TBC1D4: variants seen among roughly 807,000 people sequenced by gnomAD.
TBC1D4 encodes TBC (Tre-2, BUB2, CDC16) domain-containing protein.
Under a neutral mutation model 142.5 loss-of-function variants are expected in TBC1D4, and 121 were observed. The observed-to-expected ratio is 0.85, with a 90% CI of 0.73 to 0.99. The LOEUF is 0.99. Ranked by LOEUF, TBC1D4 falls within the 50% of genes least tolerant of loss-of-function variation. The pLI, the probability that TBC1D4 is intolerant of heterozygous loss-of-function variation, is 0.00. For synonymous variants in TBC1D4, 630 were observed against 628.2 expected (o/e 1.00, Z -0.04); for missense variants, 1,475 against 1,606.6 (o/e 0.92, Z 1.40).
intron 1 of TBC1D4, among the ~76,000 whole-genome samples, chr13:75,476,775 A>G (rs1192650970): frequency 2.0e-5 from 3 of 152,230 alleles, no homozygotes; most frequent in African/African-American, 4.8e-5. Context: ...CAGGGTTTCT[A>G]AAACTGTGGT....
rs986923131 is a variant in TBC1D4 at position 75,286,791 on chromosome 13, A to G, written c.*1T>C. On this transcript the variant is annotated 3_prime_UTR_variant, in exon 21 of 21. Coordinates refer to ENST00000377636, the MANE Select transcript of TBC1D4 (RefSeq NM_014832.5). ...TTTCTGCTGAGGCCGTGCCTCTTCA[A>G]TTATGGCTTATTTCCTATCTTGGCT... The G allele has an allele frequency of 1.9e-6, 3 of 1,613,336 alleles. No homozygotes were observed. The highest frequency in any genetic ancestry group is 2.5e-6 in the Non-Finnish European group (3 of 1,179,716).
chr13:75,426,033 A>G (rs1369015312), intron 1 of TBC1D4, among the ~76,000 whole-genome samples: 2 of 152,244 alleles, frequency 1.3e-5, no homozygotes, highest in Non-Finnish European at 2.9e-5. Context: ...TAACCATTCT[A>G]CAATGTATAT....
intron 1 of TBC1D4, among the ~76,000 whole-genome samples, chr13:75,367,783 T>C (rs1883004033): frequency 6.6e-6 from 1 of 152,174 alleles, no homozygotes; most frequent in African/African-American, 2.4e-5. Context: ...AGCGTAATGG[T>C]ATGAAGTAAA....
At chr13:75,344,633 T>G (rs1220122149) in intron 5 of TBC1D4, among the ~76,000 whole-genome samples, 2 of 152,170 alleles carry the variant, frequency 1.3e-5, no homozygotes, top group Non-Finnish European at 2.9e-5. Context: ...GGAAACAGCA[T>G]TCCCCTTCGA....
intron 20 of TBC1D4, among the ~76,000 whole-genome samples, chr13:75,287,401 C>T (rs947655612): frequency 1.3e-5 from 2 of 152,110 alleles, no homozygotes; most frequent in Non-Finnish European, 2.9e-5. Context: ...GACTGAAATA[C>T]GGCGTTCTCT....
At chr13:75,366,361 G>T (rs534741303) in intron 1 of TBC1D4, among the ~76,000 whole-genome samples, 1 of 151,994 alleles carries the variant, frequency 6.6e-6, no homozygotes, top group Non-Finnish European at 1.5e-5. Flanking sequence ...TTGATAGATG[G>T]TTGATAAGGT....
chr13:75,332,390 C>T lies in TBC1D4; in HGVS notation c.1731+4531G>A, dbSNP rs549965745. The stretch of plus-strand genomic sequence containing the variant: ...TCATCCAAGATCATAAATATAAAAT[C>T]GGCTAGGGCCAGGGATTACATTCAG... On this transcript the variant is annotated intron_variant, in intron 8 of 20. Transcript: ENST00000377636. 1.3e-3 allele frequency among the ~76,000 whole-genome samples: 196 copies of T among 152,270 alleles called. 1 individual carries two copies. The South Asian group carries it at 0.015, about 11-fold the overall frequency.
intron 15 of TBC1D4, chr13:75,302,816 G>A (rs542907273): frequency 4.3e-6 from 1 of 231,634 alleles, no homozygotes; most frequent in African/African-American, 2.3e-5. Flanking sequence ...CACATGGCTA[G>A]GAAGTGGCAG....
intron 1 of TBC1D4, among the ~76,000 whole-genome samples, chr13:75,479,916 C>T (rs1888762061): frequency 6.6e-6 from 1 of 151,842 alleles, no homozygotes. Context: ...CCTGTAATGC[C>T]AGCTACTGGG....
chr13:75,336,772 C>T, intron 8 of TBC1D4, 149 bp downstream of exon 8: 2 of 1,045,288 alleles, frequency 1.9e-6, no homozygotes, highest in Non-Finnish European at 2.7e-6. Flanking sequence ...AAAAAAAGAT[C>T]CTTTTGTTAA....
Position 75,292,119 on chromosome 13 carries a change from C to T in TBC1D4, c.3469G>A (p.Glu1157Lys), listed in dbSNP as rs1875368175. Reference protein sequence around the residue: ...TLPDMNTSEMEKIITQVFEMD... With the variant: ...TLPDMNTSEMKKIITQVFEMD... ...AATCATACCTGGGTAATAATTTTTTCCATTTCAGAGGTATTCATATCAGGT... is the reference window on the plus strand; with the variant it reads ...AATCATACCTGGGTAATAATTTTTTTCATTTCAGAGGTATTCATATCAGGT... The change falls in exon 19 of 21, where the codon GAA (glutamate) becomes AAA (lysine). Residue 1157 changes from glutamate (E) to lysine (K), a missense_variant. Transcript: ENST00000377636. The T allele has an allele frequency of 6.2e-7, 1 of 1,609,998 alleles. No individual in the cohort carries two copies. Among genetic ancestry groups the T allele is most frequent in the Non-Finnish European group, 8.5e-7 (1 of 1,178,214 alleles).
intron 1 of TBC1D4, among the ~76,000 whole-genome samples, chr13:75,418,545 C>CT (rs1327104715): frequency 1.3e-5 from 2 of 152,200 alleles, no homozygotes. Context: ...GTTAGTTACT[C>CT]TGAGAGGTCC....
At chr13:75,441,261 A>T (rs1433079995) in intron 1 of TBC1D4, among the ~76,000 whole-genome samples, 2 of 152,118 alleles carry the variant, frequency 1.3e-5, no homozygotes, top group Admixed American at 6.5e-5. Context: ...GTCTCAAAAA[A>T]CAAGGAGGAG....
At chr13:75,417,954 A>C (rs1252537981) in intron 1 of TBC1D4, among the ~76,000 whole-genome samples, 1 of 152,194 alleles carries the variant, frequency 6.6e-6, no homozygotes, top group Non-Finnish European at 1.5e-5. Flanking sequence ...TACCACCACC[A>C]TAGGGTTGTT....
chr13:75,411,780 C>T (rs1885681637), intron 1 of TBC1D4, among the ~76,000 whole-genome samples: 1 of 152,016 alleles, frequency 6.6e-6, no homozygotes, highest in Non-Finnish European at 1.5e-5. Flanking sequence ...TCAGGTGATC[C>T]ACCCGCCTCG....
intron 8 of TBC1D4, among the ~76,000 whole-genome samples, chr13:75,335,940 A>G (rs1405776585): frequency 2.0e-5 from 3 of 152,228 alleles, no homozygotes; most frequent in South Asian, 2.1e-4. Context: ...GAATTTCTTT[A>G]TAACTTTCTA....
intron 1 of TBC1D4, among the ~76,000 whole-genome samples, chr13:75,424,497 A>T (rs1487393314): frequency 6.6e-6 from 1 of 152,114 alleles, no homozygotes; most frequent in African/African-American, 2.4e-5. Context: ...CATTTTTCAC[A>T]GAAGTAAAAA....
chr13:75,330,992 T>C lies in TBC1D4; in HGVS notation c.1732-3166A>G, dbSNP rs533144155. Among the ~76,000 whole-genome samples the C allele has an allele frequency of 1.2e-4, 18 of 152,310 alleles. 1 individual carries two copies. In the South Asian group the frequency reaches 3.7e-3, roughly 32 times the overall value. On this transcript the variant is annotated intron_variant, in intron 8 of 20. Coordinates refer to ENST00000377636, the MANE Select transcript of TBC1D4 (RefSeq NM_014832.5). ...AAGTAGTCAGATGGGTATCAAACCA[T>C]TCCTATTACTAGAAAAACAACTGAA...
chr13:75,361,995 G>A, intron 2 of TBC1D4, 31 bp downstream of exon 2: 2 of 1,613,280 alleles, frequency 1.2e-6, no homozygotes, highest in South Asian at 1.1e-5. Context: ...ACCTTTTGGG[G>A]CAAGGGCAGA....
Sources: allele counts gnomAD v4.1 joint callset (sites outside exome capture counted in the v4.1 genomes callset), GRCh38; gene constraint gnomAD v4.1.1; transcripts MANE v1.5; gene names NCBI Gene and HGNC (gene_info 2026-07-23, HGNC 2026-07-21).